Variants in STK32C observed in about 807,000 individuals in gnomAD.
STK32C encodes serine/threonine kinase 32C, also known as serine/threonine-protein kinase 32C.
Under a neutral mutation model 56.5 loss-of-function variants are expected in STK32C, and 31 were observed. That is an observed-to-expected ratio of 0.55 (90% CI 0.41 to 0.74). STK32C has a LOEUF of 0.74. Ranked by LOEUF, STK32C falls within the 30% of genes least tolerant of loss-of-function variation. The pLI, the probability that STK32C is intolerant of heterozygous loss-of-function variation, is 0.00. For missense variants in STK32C, 544 were observed against 676.9 expected, an observed-to-expected ratio of 0.80 and a Z score of 2.18; for synonymous variants, 309 against 289.4, an observed-to-expected ratio of 1.07 and a Z score of -0.69.
At chr10:132,219,752 T>TCCCC (rs1287684127) in intron 10 of STK32C, among the ~76,000 whole-genome samples, 1 of 151,732 alleles carries the variant, frequency 6.6e-6, no homozygotes, top group Non-Finnish European at 1.5e-5. Flanking sequence ...GGGGCCGTGT[T>TCCCC]CCCCCCAAAA....
At chr10:132,266,620 G>GGAGCCCTCAAT (rs1428614724) in intron 1 of STK32C, among the ~76,000 whole-genome samples, 1 of 152,114 alleles carries the variant, frequency 6.6e-6, no homozygotes, top group Non-Finnish European at 1.5e-5. Context: ...CCCACGCCAA[G>GGAGCCCTCAAT]GAGCCCTCAA....
At chr10:132,297,185 A>G (rs543242349) in intron 1 of STK32C, among the ~76,000 whole-genome samples, 36 of 152,120 alleles carry the variant, frequency 2.4e-4, no homozygotes, top group Non-Finnish European at 4.7e-4. Context: ...CCAGGACCCA[A>G]TGACAGAGGA....
intron 1 of STK32C, among the ~76,000 whole-genome samples, chr10:132,267,640 T>C (rs1003611266): frequency 7.0e-5 from 10 of 143,050 alleles, no homozygotes; most frequent in African/African-American, 2.7e-4. Context: ...TCTGTGTGCA[T>C]GCATGTCCCA....
At chr10:132,284,292 GGGGGGC>G in intron 1 of STK32C, among the ~76,000 whole-genome samples, 11 of 119,126 alleles carry the variant, frequency 9.2e-5, no homozygotes, top group Admixed American at 1.7e-4. Flanking sequence ...GTGAGGTTGG[GGGGGGC>G]AGGTGAGGTT....
intron 10 of STK32C, among the ~76,000 whole-genome samples, chr10:132,209,676 G>A (rs2062227378): frequency 6.6e-6 from 1 of 152,106 alleles, no homozygotes; most frequent in Non-Finnish European, 1.5e-5. Flanking sequence ...GTCGGGGGAG[G>A]GCGTGGGTGG....
chr10:132,236,392 C>T (rs2063295725), intron 2 of STK32C, among the ~76,000 whole-genome samples: 1 of 152,224 alleles, frequency 6.6e-6, no homozygotes, highest in Non-Finnish European at 1.5e-5. Flanking sequence ...CCAGGGGCTC[C>T]CGGTCCAGAT....
rs1294980946 is a variant in STK32C at position 132,214,238 on chromosome 10, A to G, written c.1252-5137T>C. Among the ~76,000 whole-genome samples the G allele has an allele frequency of 6.1e-5, 9 of 148,502 alleles. No homozygotes were observed. The Admixed American group carries it at 6.2e-4, about 10-fold the overall frequency. On this transcript the variant is annotated intron_variant, in intron 10 of 11. Transcript: ENST00000298630. ...ATCATTATTCAAATTGCAGAAAACCAAAGACAGAGAAAATCTTGAAATGAG... is the reference window on the plus strand; with the variant it reads ...ATCATTATTCAAATTGCAGAAAACCGAAGACAGAGAAAATCTTGAAATGAG...
At position 132,255,192 on chromosome 10, in the gene STK32C, C is replaced by T. The variant is rs2064070547; in HGVS notation, c.263-9237G>A. On this transcript the variant is annotated intron_variant, in intron 1 of 11. Transcript: ENST00000298630. The surrounding 1 kb of genome is among the most constrained non-coding windows in gnomAD (Gnocchi z 4.6). Reference sequence around the variant, plus strand: ...GGGAAGTGCTTATGATGAGGAAAATCATCCCCCAGGACTCCGAGACGCAGG... The same window carrying T: ...GGGAAGTGCTTATGATGAGGAAAATTATCCCCCAGGACTCCGAGACGCAGG... 6.6e-6 allele frequency among the ~76,000 whole-genome samples: 1 copy of T among 152,196 alleles called. No homozygotes were observed. Among genetic ancestry groups the T allele is most frequent in the Non-Finnish European group, 1.5e-5 (1 of 68,034 alleles).
intron 1 of STK32C, among the ~76,000 whole-genome samples, chr10:132,265,072 G>A (rs1375289066): frequency 6.8e-6 from 1 of 146,450 alleles, no homozygotes. Context: ...CGCAAGGGCG[G>A]TGAGGTGGGC....
intron 1 of STK32C, among the ~76,000 whole-genome samples, chr10:132,248,181 G>T (rs575370834): frequency 6.6e-6 from 1 of 152,252 alleles, no homozygotes; most frequent in Non-Finnish European, 1.5e-5. Context: ...AGCAGCTGCC[G>T]CCATGTGGCG....
At chr10:132,313,317 A>G (rs2066254849) in intron 1 of STK32C, among the ~76,000 whole-genome samples, 1 of 152,240 alleles carries the variant, frequency 6.6e-6, no homozygotes, top group Non-Finnish European at 1.5e-5. Flanking sequence ...GAGATGAGCA[A>G]CATTAAACGC....
At chr10:132,224,258 C>A in intron 8 of STK32C, 149 bp downstream of exon 8, 1 of 652,034 alleles carries the variant, frequency 1.5e-6, no homozygotes, top group Admixed American at 2.3e-5. Flanking sequence ...CTGCCATCTG[C>A]GGAGGCCCCC....
upstream of STK32C, chr10:132,331,899 C>T (rs1412467319): frequency 3.2e-6 from 3 of 945,626 alleles, no homozygotes; most frequent in Non-Finnish European, 3.0e-6. Flanking sequence ...CTGCCACCCC[C>T]GCGCAGGCGC....
intron 1 of STK32C, among the ~76,000 whole-genome samples, chr10:132,257,550 G>A (rs575492289): frequency 3.3e-5 from 5 of 152,148 alleles, no homozygotes; most frequent in African/African-American, 9.6e-5. Flanking sequence ...CGAAGGAGTG[G>A]GTGGCAGGAT....
upstream of STK32C, among the ~76,000 whole-genome samples, chr10:132,310,214 C>T (rs2066193450): frequency 6.6e-6 from 1 of 152,154 alleles, no homozygotes; most frequent in Non-Finnish European, 1.5e-5. The surrounding 1 kb of genome is among the most constrained non-coding windows in gnomAD (Gnocchi z 4.6). Flanking sequence ...TGCTGTGAGC[C>T]TCAAACACCA....
intron 1 of STK32C, chr10:132,249,131 C>CGTCAGGGCGTGCAGGG (rs2063799902): frequency 2.3e-6 from 1 of 431,208 alleles, no homozygotes. Context: ...GGGGCTGTGG[C>CGTCAGGGCGTGCAGGG]GTCAGGGCGT....
chr10:132,302,468 G>C (rs2065936678), intron 1 of STK32C, among the ~76,000 whole-genome samples: 1 of 152,314 alleles, frequency 6.6e-6, no homozygotes, highest in African/African-American at 2.4e-5. Flanking sequence ...CCCGGTGCTG[G>C]GCCCAGAACC....
Position 132,225,241 on chromosome 10 carries a change from G to T in STK32C, c.868C>A (p.Arg290=). The change falls in exon 7 of 12, where the codon CGA becomes AGA. Residue 290 remains arginine (R), a synonymous_variant. Transcript: ENST00000298630. ...CTGCAGGGGGTCCATACCCATCCTC[G>T]CAGCAGCTCATAGGCCATCACCCCC... ...SVGVMAYELL[R]GWRPYDIHSS... is the part of the protein sequence containing the mutation. 3 of 1,609,336 alleles carry T rather than the reference G, an allele frequency of 1.9e-6. No homozygotes were observed. The highest frequency in any genetic ancestry group is 2.5e-6 in the Non-Finnish European group (3 of 1,177,854).
intron 1 of STK32C, among the ~76,000 whole-genome samples, chr10:132,282,037 G>A (rs1434310390): frequency 6.6e-6 from 1 of 152,258 alleles, no homozygotes; most frequent in Non-Finnish European, 1.5e-5. Flanking sequence ...ATCCCGGCCT[G>A]GAGGCAGAGC....
Sources: gnomAD v4.1 joint callset for allele counts (sites outside exome capture counted in the v4.1 genomes callset) on GRCh38, gnomAD v4.1.1 for gene constraint, Gnocchi (gnomAD v3.1) non-coding constraint, MANE v1.5 for transcripts, NCBI Gene and HGNC (gene_info 2026-07-23, HGNC 2026-07-21) for gene names.